The following SLC26A9 variants were observed in gnomAD, a reference collection of about 807,000 sequenced individuals.
The protein encoded by SLC26A9 is solute carrier family 26 member 9.
Under a neutral mutation model 87.1 loss-of-function variants are expected in SLC26A9, and 46 were observed. The ratio of observed to expected loss-of-function variants is 0.53; its 90% CI spans 0.42 to 0.67. The LOEUF is 0.67. Among genes scored for constraint, SLC26A9 ranks in the 30% least tolerant of loss-of-function variants. The probability of loss-of-function intolerance (pLI) is 0.00; values close to 1 mark genes in which losing one functional copy is unlikely to be tolerated. For synonymous variants in SLC26A9, 437 were observed against 409.1 expected (o/e 1.07, Z -0.82); for missense variants, 927 against 1,018.3 (o/e 0.91, Z 1.22).
At position 205,915,273 on chromosome 1, in the gene SLC26A9, CA is replaced by C. The variant is rs753183045; in HGVS notation, c.*83del. 6.2e-7 allele frequency: 1 copy of C among 1,603,118 alleles called. No individual in the cohort carries two copies. Among genetic ancestry groups the C allele is most frequent in the Non-Finnish European group, 8.5e-7 (1 of 1,173,508 alleles). On this transcript the variant is annotated 3_prime_UTR_variant, in exon 21 of 21. Coordinates refer to ENST00000367135, the MANE Select transcript of SLC26A9 (RefSeq NM_052934.4). ...GGGGGATGCACTTTCCTCCGCCCGACACCCCCTGTGACCCCAGGCTCATCCT... is the reference window on the plus strand; with the variant it reads ...GGGGGATGCACTTTCCTCCGCCCGACCCCCCTGTGACCCCAGGCTCATCCT...
In SLC26A9 at chr1:205,914,948, CTT is replaced by C; in HGVS notation, c.*407_*408del. On this transcript the variant is annotated 3_prime_UTR_variant, in exon 21 of 21. Transcript: ENST00000367135. ...ACCGAGCCGTGTGGGCTCTGGGACA[CTT>C]TTTGAAGCTTGTACAGCAGGCCAGC... The C allele has an allele frequency of 6.2e-7, 1 of 1,614,164 alleles. No individual in the cohort carries two copies. The highest frequency in any genetic ancestry group is 2.2e-5 in the East Asian group (1 of 44,886).
In SLC26A9 at chr1:205,914,853, G is replaced by A; in HGVS notation, c.*504C>T. On this transcript the variant is annotated 3_prime_UTR_variant, in exon 21 of 21. Coordinates refer to ENST00000367135, the MANE Select transcript of SLC26A9 (RefSeq NM_052934.4). Reference sequence around the variant, plus strand: ...AGCTGCCAGAGACAGAGTTGAGGCAGCTGGGGAAGGCAAGCCAGAGTCCTA... The same window carrying A: ...AGCTGCCAGAGACAGAGTTGAGGCAACTGGGGAAGGCAAGCCAGAGTCCTA... The A allele has an allele frequency of 6.4e-7, 1 of 1,574,160 alleles. No homozygotes were observed. Among genetic ancestry groups the A allele is most frequent in the Admixed American group, 1.7e-5 (1 of 57,970 alleles).
chr1:205,927,626 T>C, intron 9 of SLC26A9, 21 bp from the exon 10 acceptor site: 1 of 1,606,570 alleles, frequency 6.2e-7, no homozygotes, highest in Non-Finnish European at 8.5e-7. Flanking sequence ...GGGACAGGAT[T>C]AGAAGCCAGT....
rs1313947244 is a variant in SLC26A9 at position 205,927,411 on chromosome 1, G to A, written c.1215+81C>T. On this transcript the variant is annotated intron_variant, in intron 10 of 20. Transcript: ENST00000367135. ...GGAAGAAGGGGTCGGAGAAGAGCTG[G>A]CCTGGCTTGCAGTGCCCAGGCTTTT... 4 of 1,545,564 alleles carry A rather than the reference G, an allele frequency of 2.6e-6. No individual in the cohort carries two copies. The African/African-American group carries it at 5.4e-5, about 21-fold the overall frequency.
intron 17 of SLC26A9, among the ~76,000 whole-genome samples, chr1:205,920,479 C>A (rs1003354745): frequency 6.6e-6 from 1 of 152,132 alleles, no homozygotes; most frequent in Non-Finnish European, 1.5e-5. Context: ...TCACCATGGC[C>A]CCTTCTTGTG....
In SLC26A9 at chr1:205,929,612, T is replaced by C. The variant is rs973348513; in HGVS notation, c.718-256A>G. Among the ~76,000 whole-genome samples the C allele has an allele frequency of 2.6e-5, 4 of 152,148 alleles. 1 individual carries two copies. Among genetic ancestry groups the C allele is most frequent in the Non-Finnish European group, 1.5e-5 (1 of 68,018 alleles). ...GGGCTGAAGGAGGAGGGATGGAGAT[T>C]AGACATAAGGCAGGACTTTCCAGGC... On this transcript the variant is annotated intron_variant, in intron 6 of 20. Coordinates refer to ENST00000367135, the MANE Select transcript of SLC26A9 (RefSeq NM_052934.4).
rs1659720948 is a variant in SLC26A9 at position 205,940,998 on chromosome 1, T to A, written c.-19+2367A>T. On this transcript the variant is annotated intron_variant, in intron 1 of 20. Coordinates refer to ENST00000367135, the MANE Select transcript of SLC26A9 (RefSeq NM_052934.4). ...AGCTGCTGGTTGCCTCCCTGCCTCATCCAGGGTGGGGGCCACAGGGTAAGA... is the reference window on the plus strand; with the variant it reads ...AGCTGCTGGTTGCCTCCCTGCCTCAACCAGGGTGGGGGCCACAGGGTAAGA... Among the ~76,000 whole-genome samples, 3 of 152,118 alleles carry A rather than the reference T, an allele frequency of 2.0e-5. No individual in the cohort carries two copies. In the South Asian group the frequency reaches 6.2e-4, roughly 32 times the overall value.
intron 16 of SLC26A9, 77 bp from the exon 17 acceptor site, chr1:205,921,924 A>T: frequency 1.3e-6 from 2 of 1,513,432 alleles, no homozygotes; most frequent in Non-Finnish European, 1.8e-6. Flanking sequence ...AAGCAGGGGC[A>T]TGGAGGGTGT....
Position 205,928,819 on chromosome 1 carries a change from G to A in SLC26A9, c.953+8C>T. 6.2e-7 allele frequency: 1 copy of A among 1,614,036 alleles called. No homozygotes were observed. ...GGTGGGCCAGGCTTCTGGGCCACCT[G>A]GACTCACCCGCGTTGGATTTCTCCC... On this transcript the variant is annotated splice_region_variant and intron_variant, in intron 8 of 20. Coordinates refer to ENST00000367135, the MANE Select transcript of SLC26A9 (RefSeq NM_052934.4).
In SLC26A9 at chr1:205,918,487, G is replaced by A. The variant is rs374348509; in HGVS notation, c.2256+353C>T. On this transcript the variant is annotated intron_variant, in intron 19 of 20. Transcript: ENST00000367135. Reference sequence around the variant, plus strand: ...GCCCCCTTTAGAAAGAGATGAGGAGGAGGCAGGGAACGATGCCAGCAGAGT... The same window carrying A: ...GCCCCCTTTAGAAAGAGATGAGGAGAAGGCAGGGAACGATGCCAGCAGAGT... Among the ~76,000 whole-genome samples the A allele has an allele frequency of 5.9e-5, 9 of 152,292 alleles. No homozygotes were observed. The East Asian group carries it at 9.6e-4, about 16-fold the overall frequency.
chr1:205,933,738 A>T lies in SLC26A9; in HGVS notation c.126-654T>A, dbSNP rs537157985. Among the ~76,000 whole-genome samples the T allele has an allele frequency of 3.3e-5, 5 of 152,262 alleles. No homozygotes were observed. In the East Asian group the frequency reaches 9.6e-4, roughly 29 times the overall value. ...CCTGCAGGGTGCACTCTGCTGACTC[A>T]CTATCCTTTATGTGTGGTAACTCCA... On this transcript the variant is annotated intron_variant, in intron 2 of 20. Coordinates refer to ENST00000367135, the MANE Select transcript of SLC26A9 (RefSeq NM_052934.4).
chr1:205,915,916 G>A (rs1658574959), intron 20 of SLC26A9, among the ~76,000 whole-genome samples: 1 of 152,078 alleles, frequency 6.6e-6, no homozygotes, highest in African/African-American at 2.4e-5. Context: ...AGAGCACCAT[G>A]GAGCTCAATG....
Position 205,929,224 on chromosome 1 carries a change from T to G in SLC26A9, c.850A>C (p.Ile284Leu), listed in dbSNP as rs1659206406. Residue 284 changes from isoleucine to leucine, a missense_variant, in exon 7 of 21, where the codon ATC becomes CTC. Ile to Leu is a conservative substitution (Grantham distance 5). Coordinates refer to ENST00000367135, the MANE Select transcript of SLC26A9 (RefSeq NM_052934.4). ...ARYMHKIRFP[I>L]PTEMIVVVVA... is the part of the protein sequence containing the mutation. ...CTTACCACAATCATCTCTGTAGGGA[T>G]GGGGAAGCGAATCTTGTGCATGTAG... The G allele has an allele frequency of 6.2e-7, 1 of 1,613,972 alleles. No individual in the cohort carries two copies. Among genetic ancestry groups the G allele is most frequent in the African/African-American group, 1.3e-5 (1 of 74,902 alleles).
In SLC26A9 at chr1:205,923,525, A is replaced by G; in HGVS notation, c.1566+19T>C. The G allele has an allele frequency of 6.2e-7, 1 of 1,614,250 alleles. No individual in the cohort carries two copies. The highest frequency in any genetic ancestry group is 8.5e-7 in the Non-Finnish European group (1 of 1,180,040). ...TGGTGCAGAGCAAAAGAAGGAGGTC[A>G]TAAGCTTGAATTACCTACCCTATTA... On this transcript the variant is annotated intron_variant, in intron 14 of 20. Coordinates refer to ENST00000367135, the MANE Select transcript of SLC26A9 (RefSeq NM_052934.4).
At chr1:205,924,524 GA>G (rs1261039515) in intron 12 of SLC26A9, 35 bp from the exon 13 acceptor site, 4 of 1,599,600 alleles carry the variant, frequency 2.5e-6, no homozygotes, top group Non-Finnish European at 2.6e-6. Context: ...CAGACCTGGG[GA>G]AAAAACAACC....
chr1:205,939,325 C>T (rs1571763044), intron 1 of SLC26A9, among the ~76,000 whole-genome samples: 2 of 152,294 alleles, frequency 1.3e-5, no homozygotes, highest in East Asian at 3.9e-4. Context: ...CCCTGAGTGG[C>T]ACTCAGAATG....
intron 1 of SLC26A9, among the ~76,000 whole-genome samples, chr1:205,942,669 C>T (rs1659800059): frequency 6.6e-6 from 1 of 152,184 alleles, no homozygotes; most frequent in South Asian, 2.1e-4. Context: ...CATCCACTGT[C>T]CTGGCCCAAG....
chr1:205,929,369 G>A lies in SLC26A9; in HGVS notation c.718-13C>T, dbSNP rs756804054. The A allele has an allele frequency of 1.2e-6, 2 of 1,612,844 alleles. No homozygotes were observed. Among genetic ancestry groups the A allele is most frequent in the South Asian group, 1.1e-5 (1 of 90,996 alleles). ...TGTCAATGAAGGTCTGGGGGAAAGA[G>A]CATCATGCTCACAGGCTCCCACCCC... On this transcript the variant is annotated splice_polypyrimidine_tract_variant and intron_variant, in intron 6 of 20. Transcript: ENST00000367135.
chr1:205,922,025 A>G (rs1047927066), intron 16 of SLC26A9, among the ~76,000 whole-genome samples, 178 bp from the exon 17 acceptor site: 2 of 152,166 alleles, frequency 1.3e-5, no homozygotes, highest in African/African-American at 2.4e-5. Context: ...TTTCTTAGGC[A>G]GGGCCTGCAA....
Sources: gnomAD v4.1 joint callset for allele counts (sites outside exome capture counted in the v4.1 genomes callset) on GRCh38, gnomAD v4.1.1 for gene constraint, MANE v1.5 for transcripts, NCBI Gene and HGNC (gene_info 2026-07-23, HGNC 2026-07-21) for gene names.